Variants in TTC23 observed in about 807,000 individuals in gnomAD.
TTC23 encodes the protein tetratricopeptide repeat domain 23.
Under a neutral mutation model 55.1 loss-of-function variants are expected in TTC23, and 58 were observed. That is an observed-to-expected ratio of 1.05 (90% CI 0.85 to 1.31). The LOEUF is 1.31. Ranked by LOEUF, TTC23 falls within the 50% of genes most tolerant of loss-of-function variation. The pLI, the probability that TTC23 is intolerant of heterozygous loss-of-function variation, is 0.00. For synonymous variants in TTC23, 203 were observed against 199.9 expected (o/e 1.02, Z -0.13); for missense variants, 516 against 534.4 (o/e 0.97, Z 0.34).
At chr15:99,250,850 G>A (rs2080678104), upstream of TTC23, among the ~76,000 whole-genome samples, 1 of 152,178 alleles carries the variant, frequency 6.6e-6, no homozygotes, top group South Asian at 2.1e-4. Flanking sequence ...CCAGTTCGTA[G>A]TGACCCCTTA....
chr15:99,231,500 GT>G (rs974422838), intron 4 of TTC23, among the ~76,000 whole-genome samples: 1 of 150,634 alleles, frequency 6.6e-6, no homozygotes, highest in Admixed American at 6.6e-5. Context: ...TCTTAATTTT[GT>G]TTTTTTTTGA....
chr15:99,224,090 A>T (rs960554160), intron 5 of TTC23, among the ~76,000 whole-genome samples: 1 of 152,236 alleles, frequency 6.6e-6, no homozygotes. Flanking sequence ...TTTCTTGACA[A>T]AAATACACAG....
chr15:99,230,328 A>T lies in TTC23; in HGVS notation c.-20-1596T>A, dbSNP rs1463045070. ...TGTAGACATAGCAATAAAAATTATC[A>T]AAAATGAAAAAAAATCAGTGGGCTG... On this transcript the variant is annotated intron_variant, in intron 4 of 13. Coordinates refer to ENST00000394132, the MANE Select transcript of TTC23 (RefSeq NM_001288615.3). 2.0e-5 allele frequency among the ~76,000 whole-genome samples: 3 copies of T among 152,176 alleles called. No individual in the cohort carries two copies. In the East Asian group the frequency reaches 5.8e-4, roughly 29 times the overall value.
intron 9 of TTC23, among the ~76,000 whole-genome samples, chr15:99,195,266 G>C (rs2075599833): frequency 6.6e-6 from 1 of 151,986 alleles, no homozygotes; most frequent in Non-Finnish European, 1.5e-5. Context: ...TTTAAAAATG[G>C]GCCAGTAACT....
At chr15:99,183,325 C>CT (rs1256593678) in intron 9 of TTC23, among the ~76,000 whole-genome samples, 12,476 of 140,116 alleles carry the variant, frequency 0.089, 626 homozygotes, top group African/African-American at 0.14. Flanking sequence ...TCTTTCTTTT[C>CT]TTTTTTTTTT....
rs1335759008 is a variant in TTC23 at position 99,156,205 on chromosome 15, C to A, written c.1086G>T (p.Leu362=). 6.2e-7 allele frequency: 1 copy of A among 1,614,224 alleles called. No individual in the cohort carries two copies. Among genetic ancestry groups the A allele is most frequent in the East Asian group, 2.2e-5 (1 of 44,878 alleles). ...TCCCCTGCGCCAGGTCTGCTCCTCCCAGGAGCCGGTATGTCTCTGCCACCT... is the reference window on the plus strand; with the variant it reads ...TCCCCTGCGCCAGGTCTGCTCCTCCAAGGAGCCGGTATGTCTCTGCCACCT... ...SPEVAETYRL[L]GGADLAQGNH... is the part of the protein sequence containing the mutation. The change falls in exon 12 of 14, where the codon CTG becomes CTT. Residue 362 remains leucine (L), a synonymous_variant. Transcript: ENST00000394132.
chr15:99,173,078 T>C (rs1446311139), intron 10 of TTC23, among the ~76,000 whole-genome samples: 1 of 152,178 alleles, frequency 6.6e-6, no homozygotes, highest in Non-Finnish European at 1.5e-5. Context: ...GGCAAAAAGA[T>C]GGTCTTTTGG....
intron 3 of TTC23, among the ~76,000 whole-genome samples, chr15:99,240,327 T>C (rs907534827): frequency 1.3e-5 from 2 of 152,198 alleles, no homozygotes; most frequent in African/African-American, 4.8e-5. Flanking sequence ...CCTCTTAATA[T>C]TGCATCCTTA....
intron 3 of TTC23, among the ~76,000 whole-genome samples, 161 bp downstream of exon 3, chr15:99,241,204 G>A (rs1276860503): frequency 1.3e-5 from 2 of 151,970 alleles, no homozygotes; most frequent in South Asian, 2.1e-4. Flanking sequence ...TAATCCCAGC[G>A]ACTCGGAGGC....
intron 10 of TTC23, among the ~76,000 whole-genome samples, chr15:99,170,448 C>T (rs1048512309): frequency 2.0e-5 from 3 of 152,152 alleles, no homozygotes; most frequent in Non-Finnish European, 2.9e-5. Context: ...CTTTGTACCC[C>T]GTACAAACAG....
rs2068854655 is a variant in TTC23 at position 99,146,331 on chromosome 15, G to A, written c.1144-6932C>T. On this transcript the variant is annotated intron_variant, in intron 12 of 13. Transcript: ENST00000394132. Reference sequence around the variant, plus strand: ...CTCCTAAAGCTGGGCCTTCTGAGCTGCCTTCTCTTGGCAAATTTCCCTATT... The same window carrying A: ...CTCCTAAAGCTGGGCCTTCTGAGCTACCTTCTCTTGGCAAATTTCCCTATT... Among the ~76,000 whole-genome samples, 2 of 152,212 alleles carry A rather than the reference G, an allele frequency of 1.3e-5. 1 individual carries two copies. Among genetic ancestry groups the A allele is most frequent in the South Asian group, 4.1e-4 (2 of 4,832 alleles).
At chr15:99,162,453 G>C (rs1191007512) in intron 10 of TTC23, among the ~76,000 whole-genome samples, 1 of 152,098 alleles carries the variant, frequency 6.6e-6, no homozygotes, top group Non-Finnish European at 1.5e-5. Flanking sequence ...GAAAACCTCA[G>C]GTATGGAAAA....
chr15:99,215,575 T>C (rs1156340921), intron 8 of TTC23, among the ~76,000 whole-genome samples: 2 of 151,892 alleles, frequency 1.3e-5, no homozygotes, highest in Admixed American at 6.6e-5. Flanking sequence ...CGAAATTTCA[T>C]CTCTACAAAA....
intron 5 of TTC23, among the ~76,000 whole-genome samples, chr15:99,227,724 C>G (rs2078576405): frequency 6.6e-6 from 1 of 152,218 alleles, no homozygotes; most frequent in African/African-American, 2.4e-5. Context: ...TACAGTTCCC[C>G]AGACAGACTG....
chr15:99,164,454 T>C (rs1401021944), intron 10 of TTC23, among the ~76,000 whole-genome samples: 1 of 152,204 alleles, frequency 6.6e-6, no homozygotes, highest in African/African-American at 2.4e-5. Context: ...GAAGCACCTG[T>C]TGAAGATAGC....
At chr15:99,213,116 G>A (rs911532786) in intron 8 of TTC23, among the ~76,000 whole-genome samples, 2 of 151,960 alleles carry the variant, frequency 1.3e-5, no homozygotes, top group Non-Finnish European at 2.9e-5. Flanking sequence ...CTACAGAAGT[G>A]CATAAATCCA....
intron 8 of TTC23, among the ~76,000 whole-genome samples, chr15:99,206,391 T>C (rs1351245780): frequency 6.6e-6 from 1 of 152,162 alleles, no homozygotes; most frequent in East Asian, 1.9e-4. Flanking sequence ...TTGATATTAG[T>C]TCTTCTTAAA....
At chr15:99,143,071 G>C (rs1211781657) in intron 12 of TTC23, among the ~76,000 whole-genome samples, 30 of 152,146 alleles carry the variant, frequency 2.0e-4, no homozygotes, top group Admixed American at 1.1e-3. Context: ...TGTCAGCTAG[G>C]AGACAGAAAC....
chr15:99,204,250 T>C (rs2076427970), intron 8 of TTC23, among the ~76,000 whole-genome samples: 1 of 152,156 alleles, frequency 6.6e-6, no homozygotes, highest in South Asian at 2.1e-4. Flanking sequence ...TGATGTTGAG[T>C]ATTTTTTCAT....
Sources: allele counts gnomAD v4.1 joint callset (sites outside exome capture counted in the v4.1 genomes callset), GRCh38; gene constraint gnomAD v4.1.1; transcripts MANE v1.5; gene names NCBI Gene and HGNC (gene_info 2026-07-23, HGNC 2026-07-21).